Variants in ELMO1 observed in about 807,000 individuals in gnomAD.
The protein encoded by ELMO1 is engulfment and cell motility 1, also known as engulfment and cell motility protein 1.
Under a neutral mutation model 98.9 loss-of-function variants are expected in ELMO1, and 26 were observed. That is an observed-to-expected ratio of 0.26 (90% CI 0.19 to 0.36). The LOEUF (loss-of-function observed/expected upper bound fraction) is 0.36. ELMO1 is among the 10% of genes least tolerant of loss of function. The pLI is 1.00. For missense variants in ELMO1, 627 were observed against 935.2 expected, an observed-to-expected ratio of 0.67 and a Z score of 4.30; for synonymous variants, 346 against 346.0, an observed-to-expected ratio of 1.00 and a Z score of 0.00.
At chr7:37,050,815 GT>G (rs35164150) in intron 15 of ELMO1, among the ~76,000 whole-genome samples, 37,404 of 143,998 alleles carry the variant, frequency 0.26, 5,815 homozygotes, top group African/African-American at 0.45. Flanking sequence ...AAGTTCAAAG[GT>G]TTTTTTTTTT....
chr7:36,928,247 T>TCTGTTTGGTTCCC (rs1785738259), intron 16 of ELMO1, among the ~76,000 whole-genome samples: 1 of 152,200 alleles, frequency 6.6e-6, no homozygotes, highest in African/African-American at 2.4e-5. Context: ...CTGCCACCTG[T>TCTGTTTGGTTCCC]ACTTCTATCC....
intron 10 of ELMO1, among the ~76,000 whole-genome samples, 168 bp from the exon 11 acceptor site, chr7:37,216,863 T>C (rs1158546945): frequency 1.3e-5 from 2 of 152,254 alleles, no homozygotes; most frequent in Non-Finnish European, 2.9e-5. Flanking sequence ...TTTTTTTGAC[T>C]GTTTTATTTA....
intron 4 of ELMO1, among the ~76,000 whole-genome samples, chr7:37,302,473 T>C (rs1325866985): frequency 1.3e-5 from 2 of 151,984 alleles, no homozygotes; most frequent in East Asian, 3.9e-4. Flanking sequence ...TCTCAGAACA[T>C]TGCCACCATG....
chr7:37,420,251 T>C (rs1254112185), intron 1 of ELMO1, among the ~76,000 whole-genome samples: 1 of 152,212 alleles, frequency 6.6e-6, no homozygotes, highest in Non-Finnish European at 1.5e-5. Flanking sequence ...AAGTGCTCCA[T>C]GGGTCACCTA....
intron 15 of ELMO1, among the ~76,000 whole-genome samples, chr7:37,075,973 G>T (rs1309452951): frequency 1.3e-5 from 2 of 152,312 alleles, no homozygotes; most frequent in African/African-American, 4.8e-5. Flanking sequence ...TGGGGTGGGG[G>T]TTGAGGGGAA....
intron 1 of ELMO1, among the ~76,000 whole-genome samples, chr7:37,394,416 T>A (rs552970534): frequency 8.5e-5 from 13 of 152,180 alleles, no homozygotes; most frequent in African/African-American, 3.1e-4. Flanking sequence ...CCTCAGACGG[T>A]CAGCAAGAGC....
chr7:36,928,666 T>C (rs1785776616), intron 16 of ELMO1, among the ~76,000 whole-genome samples: 1 of 151,996 alleles, frequency 6.6e-6, no homozygotes, highest in African/African-American at 2.4e-5. Flanking sequence ...GCAGGCCGAG[T>C]AAACTCTCAG....
chr7:37,032,522 C>T (rs1399913483), intron 15 of ELMO1, among the ~76,000 whole-genome samples: 2 of 152,188 alleles, frequency 1.3e-5, no homozygotes, highest in East Asian at 1.9e-4. Context: ...TGGCACCCAA[C>T]GCTGGGCTCT....
intron 16 of ELMO1, among the ~76,000 whole-genome samples, chr7:36,961,874 T>C (rs1359463128): frequency 1.3e-5 from 2 of 152,190 alleles, no homozygotes; most frequent in Non-Finnish European, 2.9e-5. Context: ...AATAGTATTG[T>C]CCCAGAGCAA....
intron 15 of ELMO1, among the ~76,000 whole-genome samples, chr7:37,038,015 T>G (rs1414396291): frequency 2.0e-5 from 3 of 152,162 alleles, no homozygotes; most frequent in Non-Finnish European, 4.4e-5. Context: ...TTTGAGTGGA[T>G]GCACCTGCCT....
At chr7:37,150,951 A>C (rs901818735) in intron 13 of ELMO1, among the ~76,000 whole-genome samples, 2 of 152,256 alleles carry the variant, frequency 1.3e-5, no homozygotes, top group African/African-American at 2.4e-5. Context: ...ACCCTGCTCA[A>C]GTACTCGCTG....
chr7:37,002,705 G>A (rs975525712), intron 16 of ELMO1, among the ~76,000 whole-genome samples: 2 of 152,152 alleles, frequency 1.3e-5, no homozygotes, highest in Non-Finnish European at 2.9e-5. Flanking sequence ...GAGTAAGTTG[G>A]ATATTGACCC....
chr7:37,032,580 T>TATA (rs2129186941), intron 15 of ELMO1, among the ~76,000 whole-genome samples: 1 of 152,268 alleles, frequency 6.6e-6, no homozygotes, highest in East Asian at 1.9e-4. Flanking sequence ...CTCTCTTGGT[T>TATA]ATAATACCCA....
intron 14 of ELMO1, among the ~76,000 whole-genome samples, chr7:37,103,860 C>T (rs371822431): frequency 2.0e-5 from 3 of 148,670 alleles, no homozygotes; most frequent in African/African-American, 2.5e-5. Context: ...ATATATTAGC[C>T]GGGCATGGTG....
intron 15 of ELMO1, among the ~76,000 whole-genome samples, chr7:37,095,080 C>T (rs1784303325): frequency 6.6e-6 from 1 of 152,162 alleles, no homozygotes; most frequent in Non-Finnish European, 1.5e-5. Context: ...TGAGCATAAA[C>T]AGCCAAAGGT....
intron 13 of ELMO1, among the ~76,000 whole-genome samples, chr7:37,210,851 G>A (rs1792923199): frequency 6.6e-6 from 1 of 152,176 alleles, no homozygotes; most frequent in South Asian, 2.1e-4. Flanking sequence ...ATTATATTCA[G>A]GACAAGCTGT....
intron 1 of ELMO1, among the ~76,000 whole-genome samples, chr7:37,416,956 C>A (rs1390562239): frequency 3.9e-5 from 6 of 152,222 alleles, no homozygotes; most frequent in Non-Finnish European, 8.8e-5. Flanking sequence ...AGTTTCTCCA[C>A]AAACCTAGCT....
chr7:36,929,310 C>G (rs375725399), intron 16 of ELMO1, among the ~76,000 whole-genome samples: 92 of 152,336 alleles, frequency 6.0e-4, no homozygotes, highest in African/African-American at 2.1e-3. Flanking sequence ...GCCACCTCCT[C>G]TTAGTTCCCT....
At chr7:37,045,020 G>A (rs1795723031) in intron 15 of ELMO1, among the ~76,000 whole-genome samples, 1 of 152,088 alleles carries the variant, frequency 6.6e-6, no homozygotes, top group Non-Finnish European at 1.5e-5. Flanking sequence ...TTACTACGCC[G>A]GTATGAAGCT....
Sources: allele counts gnomAD v4.1 joint callset (sites outside exome capture counted in the v4.1 genomes callset), GRCh38; gene constraint gnomAD v4.1.1; transcripts MANE v1.5; gene names NCBI Gene and HGNC (gene_info 2026-07-23, HGNC 2026-07-21).